PLCZ1: variants seen among roughly 807,000 people sequenced by gnomAD.
PLCZ1 encodes phospholipase C zeta 1, also known as 1-phosphatidylinositol 4,5-bisphosphate phosphodiesterase zeta-1.
In PLCZ1, 64 loss-of-function variants were observed where a neutral mutation model predicts 76.8. The observed-to-expected ratio is 0.83, with a 90% CI of 0.68 to 1.03. The LOEUF (loss-of-function observed/expected upper bound fraction) is 1.03, where lower values mean the gene tolerates loss of function less well. Among genes scored for constraint, PLCZ1 ranks in the 50% least tolerant of loss-of-function variants. PLCZ1 has a pLI of 0.00. For missense variants in PLCZ1, 751 were observed against 713.7 expected (o/e 1.05, Z -0.60); for synonymous variants, 248 against 230.8 (o/e 1.07, Z -0.68).
chr12:18,646,822 C>G, the PLCZ1 span, among the ~76,000 whole-genome samples: 8 of 151,964 alleles, frequency 5.3e-5, no homozygotes, highest in African/African-American at 1.9e-4. Context: ...GGTACTATGC[C>G]TTTACGTTGC....
chr12:18,688,762 T>G (rs1953586844), intron 12 of PLCZ1, among the ~76,000 whole-genome samples: 1 of 151,980 alleles, frequency 6.6e-6, no homozygotes, highest in East Asian at 1.9e-4. Context: ...AAGCTAATTG[T>G]TGAAGCAAAA....
intron 5 of PLCZ1, 131 bp downstream of exon 5, chr12:18,719,300 T>G: frequency 2.1e-6 from 1 of 479,746 alleles, no homozygotes; most frequent in African/African-American, 2.0e-5. Context: ...AAGTAAAAAT[T>G]TCTATTCCCT....
intron 7 of PLCZ1, among the ~76,000 whole-genome samples, chr12:18,703,726 T>A (rs1956235794): frequency 1.3e-5 from 2 of 152,194 alleles, no homozygotes; most frequent in Admixed American, 1.3e-4. Flanking sequence ...TATAAAACAA[T>A]TTTCACTTTT....
At chr12:18,650,347 A>ATATATATATGTG in the PLCZ1 span, among the ~76,000 whole-genome samples, 1 of 114,544 alleles carries the variant, frequency 8.7e-6, no homozygotes, top group Non-Finnish European at 1.8e-5. Context: ...ATATATATAT[A>ATATATATATGTG]TGTGTGTGTG....
intron 13 of PLCZ1, among the ~76,000 whole-genome samples, chr12:18,685,165 C>A (rs536752293): frequency 6.6e-6 from 1 of 152,124 alleles, no homozygotes; most frequent in African/African-American, 2.4e-5. Context: ...AGCTAGATAA[C>A]AAACTAAAGC....
At chr12:18,669,604 G>A in the PLCZ1 span, among the ~76,000 whole-genome samples, 3 of 152,186 alleles carry the variant, frequency 2.0e-5, no homozygotes, top group South Asian at 6.2e-4. Flanking sequence ...CTTCCAGACA[G>A]TTGCCTTTGC....
rs199887344 is a variant in PLCZ1 at position 18,723,500 on chromosome 12, A to G, written c.178T>C (p.Phe60Leu). ...LKQGRITIEE[F>L]RAIYRIITHR... ...GTGATAATTCGATAAATTGCTCTAA[A>G]TTCTTCTATGGTGATTCTTCCTTGT... is the stretch of plus-strand genomic sequence containing the variant. Residue 60 changes from phenylalanine to leucine, a missense_variant, in exon 4 of 15, where the codon TTT becomes CTT. Physicochemically the swap from Phe to Leu is conservative, Grantham distance 22 (BLOSUM62 0). Coordinates refer to ENST00000266505, the MANE Select transcript of PLCZ1 (RefSeq NM_033123.4). The G allele has an allele frequency of 1.2e-6, 2 of 1,612,820 alleles. No individual in the cohort carries two copies. The highest frequency in any genetic ancestry group is 2.7e-5 in the African/African-American group (2 of 74,990).
At chr12:18,683,532 C>G (rs1405317249) in intron 14 of PLCZ1, 1 of 1,511,730 alleles carries the variant, frequency 6.6e-7, no homozygotes, top group East Asian at 2.6e-5. Context: ...AAACTGAATA[C>G]ACAGCTCATA....
At chr12:18,652,081 G>A in the PLCZ1 span, among the ~76,000 whole-genome samples, 4 of 152,166 alleles carry the variant, frequency 2.6e-5, no homozygotes, top group African/African-American at 9.7e-5. Flanking sequence ...GATAATCTGA[G>A]TATTATGGAC....
intron 3 of PLCZ1, among the ~76,000 whole-genome samples, chr12:18,724,319 T>G (rs1436231639): frequency 1.3e-5 from 2 of 151,990 alleles, no homozygotes; most frequent in African/African-American, 2.4e-5. Context: ...ACAATGAAAT[T>G]TTAGACAAAT....
intron 13 of PLCZ1, among the ~76,000 whole-genome samples, chr12:18,685,871 T>C (rs4764414): frequency 0.65 from 77,111 of 117,918 alleles, 22,148 homozygotes; most frequent in South Asian, 0.76. Flanking sequence ...CACACACACA[T>C]ACAATAATAT....
At chr12:18,695,422 G>A (rs548833022) in intron 11 of PLCZ1, among the ~76,000 whole-genome samples, 1 of 152,140 alleles carries the variant, frequency 6.6e-6, no homozygotes, top group Non-Finnish European at 1.5e-5. Context: ...GAATGCAAGA[G>A]GTAAAGACAT....
In PLCZ1 at chr12:18,699,844, T is replaced by C; in HGVS notation, c.1124A>G (p.Glu375Gly). ...TTGTGTCTCCCCAATAGAATTATTT[T>C]CATTAAATTGCTGATATAATCTTGA... Reference protein sequence around the residue: ...QHSRLYQQFNENNSIGETQAR... With the variant: ...QHSRLYQQFNGNNSIGETQAR... The change falls in exon 10 of 15, where the codon GAA becomes GGA. Residue 375 changes from glutamate (E) to glycine (G), a missense_variant. Coordinates refer to ENST00000266505, the MANE Select transcript of PLCZ1 (RefSeq NM_033123.4). 1 of 1,613,582 alleles carries C rather than the reference T, an allele frequency of 6.2e-7. No individual in the cohort carries two copies. The highest frequency in any genetic ancestry group is 8.5e-7 in the Non-Finnish European group (1 of 1,179,744).
chr12:18,729,398 T>A (rs1391951690), intron 3 of PLCZ1, among the ~76,000 whole-genome samples: 7 of 152,112 alleles, frequency 4.6e-5, no homozygotes, highest in African/African-American at 1.7e-4. Context: ...AGATATATTA[T>A]AAGCTACTTA....
chr12:18,689,688 C>T (rs1341293239), intron 12 of PLCZ1, among the ~76,000 whole-genome samples: 3 of 152,128 alleles, frequency 2.0e-5, no homozygotes, highest in South Asian at 2.1e-4. Flanking sequence ...ATTGGCCTTA[C>T]CCATAAGATT....
At chr12:18,662,281 A>G in the PLCZ1 span, among the ~76,000 whole-genome samples, 8 of 147,226 alleles carry the variant, frequency 5.4e-5, no homozygotes, top group African/African-American at 1.7e-4. Flanking sequence ...TTACCTATGT[A>G]GCAAACCTGA....
chr12:18,647,893 C>T, the PLCZ1 span: 234 of 1,562,584 alleles, frequency 1.5e-4, no homozygotes, highest in Non-Finnish European at 1.9e-4. Context: ...ATGATGAAGT[C>T]ACAGAGCTCC....
intron 12 of PLCZ1, among the ~76,000 whole-genome samples, chr12:18,690,267 A>G (rs1369126687): frequency 3.3e-5 from 5 of 152,048 alleles, no homozygotes; most frequent in African/African-American, 1.2e-4. Flanking sequence ...CTTGCTACCC[A>G]AGCTGGAGTG....
chr12:18,681,106 A>G (rs954376175), downstream of PLCZ1, among the ~76,000 whole-genome samples: 2 of 151,972 alleles, frequency 1.3e-5, no homozygotes, highest in African/African-American at 4.8e-5. Context: ...GTCCGGGTTG[A>G]TGCTCTGTGA....
Sources: allele counts gnomAD v4.1 joint callset (sites outside exome capture counted in the v4.1 genomes callset), GRCh38; gene constraint gnomAD v4.1.1; transcripts MANE v1.5; gene names NCBI Gene and HGNC (gene_info 2026-07-23, HGNC 2026-07-21).